STK32C: variants seen among roughly 807,000 people sequenced by gnomAD.
STK32C encodes serine/threonine-protein kinase 32C.
Under a neutral mutation model 56.5 loss-of-function variants are expected in STK32C, and 31 were observed. The ratio of observed to expected loss-of-function variants is 0.55; its 90% confidence interval spans 0.41 to 0.74. The LOEUF (loss-of-function observed/expected upper bound fraction) is 0.74. Among genes scored for constraint, STK32C ranks in the 30% least tolerant of loss-of-function variants. STK32C has a pLI of 0.00. For missense variants in STK32C, 544 were observed against 676.9 expected (o/e 0.80, Z 2.18); for synonymous variants, 309 against 289.4 (o/e 1.07, Z -0.69).
At chr10:132,319,974 G>A (rs753883462), downstream of STK32C, among the ~76,000 whole-genome samples, 6 of 148,638 alleles carry the variant, frequency 4.0e-5, no homozygotes, top group African/African-American at 7.5e-5. Flanking sequence ...TGCAACCTCC[G>A]CCTCCCAGGT....
chr10:132,228,256 G>T, intron 2 of STK32C, 128 bp from the exon 3 acceptor site: 2 of 1,196,274 alleles, frequency 1.7e-6, no homozygotes, highest in Non-Finnish European at 2.5e-6. Flanking sequence ...GGGACGCGCC[G>T]CAGCCCCTCT....
At chr10:132,300,342 C>T (rs1186837943) in intron 1 of STK32C, among the ~76,000 whole-genome samples, 3 of 152,096 alleles carry the variant, frequency 2.0e-5, no homozygotes, top group Non-Finnish European at 4.4e-5. Flanking sequence ...TTGGCAGGGC[C>T]GGAGCCCAGA....
At chr10:132,308,803 G>A (rs1234380610), upstream of STK32C, among the ~76,000 whole-genome samples, 1 of 152,172 alleles carries the variant, frequency 6.6e-6, no homozygotes, top group Non-Finnish European at 1.5e-5. Flanking sequence ...TTGACCTCCG[G>A]GCACCTCTGC....
At chr10:132,257,122 T>C (rs1470361415) in intron 1 of STK32C, among the ~76,000 whole-genome samples, 2 of 152,044 alleles carry the variant, frequency 1.3e-5, no homozygotes. Flanking sequence ...TGGGACCAGC[T>C]GGGGGCTGCC....
intron 1 of STK32C, among the ~76,000 whole-genome samples, chr10:132,247,764 C>T (rs574581103): frequency 3.9e-5 from 6 of 152,178 alleles, no homozygotes; most frequent in South Asian, 2.1e-4. Context: ...GGGCTTGACT[C>T]GCAGAGGTGG....
chr10:132,250,827 G>A (rs527299858), intron 1 of STK32C, among the ~76,000 whole-genome samples: 1 of 152,338 alleles, frequency 6.6e-6, no homozygotes, highest in South Asian at 2.1e-4. Flanking sequence ...TCCCCAGAGA[G>A]GAGGAAGGTT....
chr10:132,326,754 T>C (rs529195514), intron 1 of STK32C, among the ~76,000 whole-genome samples: 1 of 152,310 alleles, frequency 6.6e-6, no homozygotes, highest in South Asian at 2.1e-4. Context: ...CCTCCACTGC[T>C]GGTCACAGTC....
intron 2 of STK32C, among the ~76,000 whole-genome samples, chr10:132,232,468 G>C (rs2063137553): frequency 1.3e-5 from 2 of 152,114 alleles, no homozygotes; most frequent in African/African-American, 4.8e-5. Flanking sequence ...CAGCACCCGA[G>C]ATCACGCAGA....
chr10:132,330,284 G>A (rs1277763406), intron 1 of STK32C: 2 of 594,730 alleles, frequency 3.4e-6, no homozygotes, highest in East Asian at 2.8e-5. Flanking sequence ...GAGGGAATAC[G>A]CTCAAATGGT....
chr10:132,267,815 G>A (rs1221175220), intron 1 of STK32C, among the ~76,000 whole-genome samples: 2 of 92,790 alleles, frequency 2.2e-5, no homozygotes, highest in African/African-American at 5.0e-5. Context: ...GTCCCACATC[G>A]TGTGTGTGTG....
chr10:132,257,092 G>A (rs1166079225), intron 1 of STK32C, among the ~76,000 whole-genome samples: 1 of 152,158 alleles, frequency 6.6e-6, no homozygotes, highest in Non-Finnish European at 1.5e-5. Flanking sequence ...TGCACCAAGG[G>A]CCACACTCAG....
In STK32C at chr10:132,260,076, A is replaced by C. The variant is rs1016198186; in HGVS notation, c.263-14121T>G. 6.6e-5 allele frequency among the ~76,000 whole-genome samples: 10 copies of C among 151,984 alleles called. No individual in the cohort carries two copies. The East Asian group carries it at 1.7e-3, about 27-fold the overall frequency. ...TGTGTAAAGTCTGGTTCAGGAAAAA[A>C]AAAAATCCAAGCTAAACCCTGATGA... On this transcript the variant is annotated intron_variant, in intron 1 of 11. Transcript: ENST00000298630.
At chr10:132,294,937 G>T (rs1365321371) in intron 1 of STK32C, among the ~76,000 whole-genome samples, 1 of 152,110 alleles carries the variant, frequency 6.6e-6, no homozygotes. Context: ...TAAATCATGT[G>T]TGGTCCACAA....
intron 7 of STK32C, 152 bp from the exon 8 acceptor site, chr10:132,224,675 G>A (rs940455137): frequency 4.3e-5 from 28 of 652,206 alleles, no homozygotes; most frequent in African/African-American, 1.4e-4. Context: ...TCCACCTGCC[G>A]CGGAGGAGCC....
At chr10:132,297,954 T>G (rs1438616171) in intron 1 of STK32C, among the ~76,000 whole-genome samples, 1 of 152,228 alleles carries the variant, frequency 6.6e-6, no homozygotes, top group Non-Finnish European at 1.5e-5. Context: ...ATGCTTTGTG[T>G]CTCCTGGGGT....
At chr10:132,262,623 T>C (rs1205116633) in intron 1 of STK32C, among the ~76,000 whole-genome samples, 1 of 151,548 alleles carries the variant, frequency 6.6e-6, no homozygotes, top group South Asian at 2.1e-4. Context: ...AAAAAACGGG[T>C]AAGATACAGC....
chr10:132,216,555 C>T (rs1021034724), intron 10 of STK32C, among the ~76,000 whole-genome samples: 4 of 152,130 alleles, frequency 2.6e-5, no homozygotes, highest in African/African-American at 9.7e-5. Context: ...ATATTAATCA[C>T]CAAGACAATG....
chr10:132,250,082 T>C (rs2063841197), intron 1 of STK32C, among the ~76,000 whole-genome samples: 1 of 152,228 alleles, frequency 6.6e-6, no homozygotes, highest in Non-Finnish European at 1.5e-5. Flanking sequence ...CAGGAGCCGG[T>C]GTCTACGGAG....
chr10:132,256,539 C>T (rs1306680506), intron 1 of STK32C, among the ~76,000 whole-genome samples: 1 of 152,220 alleles, frequency 6.6e-6, no homozygotes, highest in African/African-American at 2.4e-5. Context: ...GGCAGAGGCT[C>T]AGGCCTGAGA....
Sources: gnomAD v4.1 joint callset for allele counts (sites outside exome capture counted in the v4.1 genomes callset) on GRCh38, gnomAD v4.1.1 for gene constraint, MANE v1.5 for transcripts, NCBI Gene and HGNC (gene_info 2026-07-23, HGNC 2026-07-21) for gene names.